The following GUCY2C variants were observed in gnomAD, a reference collection of about 807,000 sequenced individuals.
The protein encoded by GUCY2C is guanylate cyclase 2C.
In GUCY2C, 118 loss-of-function variants were observed where a neutral mutation model predicts 131.1. That is an observed-to-expected ratio of 0.90 (90% CI 0.78 to 1.05). GUCY2C has a LOEUF of 1.05. Ranked by LOEUF, GUCY2C falls within the 50% of genes least tolerant of loss-of-function variation. GUCY2C has a pLI of 0.00. For missense variants in GUCY2C, 1,161 were observed against 1,304.4 expected, an observed-to-expected ratio of 0.89 and a Z score of 1.69; for synonymous variants, 452 against 457.8, an observed-to-expected ratio of 0.99 and a Z score of 0.16.
chr12:14,693,773 A>G (rs952517857), intron 1 of GUCY2C, among the ~76,000 whole-genome samples: 1 of 152,252 alleles, frequency 6.6e-6, no homozygotes, highest in African/African-American at 2.4e-5. Flanking sequence ...ACTAATAACT[A>G]TTTTACAAAT....
intron 15 of GUCY2C, among the ~76,000 whole-genome samples, chr12:14,646,855 C>G (rs1947533388): frequency 6.6e-6 from 1 of 152,082 alleles, no homozygotes; most frequent in South Asian, 2.1e-4. Context: ...ATAGGGTGCA[C>G]AGTCTGGTGA....
intron 10 of GUCY2C, 134 bp downstream of exon 10, chr12:14,669,588 G>T: frequency 1.7e-6 from 1 of 588,642 alleles, no homozygotes. Flanking sequence ...TTACAAACTG[G>T]ACAGCAGGAA....
intron 11 of GUCY2C, among the ~76,000 whole-genome samples, chr12:14,660,551 T>C (rs1334077954): frequency 6.6e-6 from 1 of 152,208 alleles, no homozygotes; most frequent in Non-Finnish European, 1.5e-5. Flanking sequence ...AGTCTAAATA[T>C]GTAATTTAAT....
rs1418367135 is a variant in GUCY2C, at chr12:14,639,855, T to C, written c.2157+7A>G. 4.6e-6 allele frequency: 7 copies of C among 1,506,700 alleles called. No homozygotes were observed. The highest frequency in any genetic ancestry group is 1.4e-5 in the African/African-American group (1 of 73,000). 93.3% of individuals were successfully genotyped at this position (1,506,700 alleles called of 1,614,324 possible). A position where few individuals can be genotyped will look rare whatever the true frequency, so the allele number is the denominator to read the frequency against. On this transcript the variant is annotated splice_region_variant and intron_variant, in intron 19 of 26. Coordinates refer to ENST00000261170, the MANE Select transcript of GUCY2C (RefSeq NM_004963.4). The stretch of plus-strand genomic sequence containing the variant: ...CCAAGGAAATGAATACGGGAAGATA[T>C]ACTCACTTCTAGCTCTTTTTCCTCT...
intron 10 of GUCY2C, among the ~76,000 whole-genome samples, chr12:14,667,924 T>G (rs920086073): frequency 1.3e-5 from 2 of 151,956 alleles, no homozygotes; most frequent in African/African-American, 4.8e-5. Flanking sequence ...TTTTCCCATG[T>G]CATTTAACAT....
At chr12:14,679,863 A>C in intron 5 of GUCY2C, 110 bp from the exon 6 acceptor site, 1 of 625,670 alleles carries the variant, frequency 1.6e-6, no homozygotes, top group African/African-American at 1.9e-5. Context: ...AAATTTTTTA[A>C]AGATAAACTC....
At position 14,621,132 on chromosome 12, in the gene GUCY2C, T is replaced by C. The variant is rs760514762; in HGVS notation, c.2686A>G (p.Met896Val). The C allele has an allele frequency of 2.5e-6, 4 of 1,613,488 alleles. No homozygotes were observed. The highest frequency in any genetic ancestry group is 1.1e-5 in the South Asian group (1 of 91,082). The change falls in exon 23 of 27, where the codon ATG becomes GTG. Residue 896 changes from methionine to valine, a missense_variant. Met to Val is a conservative substitution (Grantham distance 21). Coordinates refer to ENST00000261170, the MANE Select transcript of GUCY2C (RefSeq NM_004963.4). ...ATGAAGCTGAGGATTTCCAAGGCCA[T>C]CTTGGCAATGTCTATTGCATGCCGA... ...GNRHAIDIAK[M>V]ALEILSFMGT... is the part of the protein sequence containing the mutation.
chr12:14,645,330 A>G lies in GUCY2C; in HGVS notation c.1711-15T>C, dbSNP rs752930934. 1.5e-6 allele frequency: 2 copies of G among 1,294,546 alleles called. No homozygotes were observed. Among genetic ancestry groups the G allele is most frequent in the South Asian group, 1.2e-5 (1 of 82,440 alleles). The allele number at this position is 1,294,546 out of a possible 1,614,324, so 80.2% of individuals were successfully genotyped here. A position where few individuals can be genotyped will look rare whatever the true frequency, so the allele number is the denominator to read the frequency against. On this transcript the variant is annotated splice_polypyrimidine_tract_variant and intron_variant, in intron 15 of 26. Coordinates refer to ENST00000261170, the MANE Select transcript of GUCY2C (RefSeq NM_004963.4). ...TTTAAAACTTCCTGAATAGGAAAAA[A>G]GAAGAAGAAGAAAAGTTGTTGCAAG...
At chr12:14,639,700 G>A (rs539118399) in intron 19 of GUCY2C, among the ~76,000 whole-genome samples, 162 bp downstream of exon 19, 7 of 152,314 alleles carry the variant, frequency 4.6e-5, no homozygotes, top group Middle Eastern at 3.4e-3. Context: ...GAATGGATTA[G>A]CCCCTTAGCT....
Position 14,651,977 on chromosome 12 carries a change from C to T in GUCY2C, c.1587G>A (p.Gln529=). The T allele has an allele frequency of 6.3e-7, 1 of 1,585,812 alleles. No homozygotes were observed. The highest frequency in any genetic ancestry group is 1.3e-5 in the African/African-American group (1 of 74,546). The part of the protein sequence containing the change: ...KHNDGNFTEK[Q]KIELNKLLQI... The stretch of plus-strand genomic sequence containing the variant: ...TACATACCTTGTTCAATTCTATCTT[C>T]TGTTTTTCAGTGAAATTACCATCAT... Residue 529 remains glutamine (Q), a synonymous_variant, in exon 14 of 27, where the codon CAG becomes CAA. Transcript: ENST00000261170.
chr12:14,643,313 T>A (rs1592103741), intron 17 of GUCY2C, among the ~76,000 whole-genome samples: 1 of 152,132 alleles, frequency 6.6e-6, no homozygotes, highest in African/African-American at 2.4e-5. Flanking sequence ...CTAGTTCTGC[T>A]CCCACAAGCC....
chr12:14,631,954 T>G (rs978408655), intron 19 of GUCY2C, among the ~76,000 whole-genome samples: 7 of 150,236 alleles, frequency 4.7e-5, no homozygotes, highest in African/African-American at 1.7e-4. Flanking sequence ...CTCATTGTGG[T>G]TTTGATTTGC....
In GUCY2C at chr12:14,651,995, AC is replaced by A; in HGVS notation, c.1568del (p.Gly523ValfsTer9). On this transcript the variant is annotated frameshift_variant, in exon 14 of 27. Coordinates refer to ENST00000261170, the MANE Select transcript of GUCY2C (RefSeq NM_004963.4). LOFTEE classifies it high-confidence loss of function. ...VILKDLKHND[G>X]NFTEKQKIEL... ...CTATCTTCTGTTTTTCAGTGAAATT[AC>A]CATCATTGTGCTTGAGATCTTTGAG... is the stretch of plus-strand genomic sequence containing the variant. 6.2e-7 allele frequency: 1 copy of A among 1,603,238 alleles called. No individual in the cohort carries two copies. Among genetic ancestry groups the A allele is most frequent in the Non-Finnish European group, 8.5e-7 (1 of 1,170,530 alleles).
chr12:14,618,407 G>T (rs769123872), intron 24 of GUCY2C, among the ~76,000 whole-genome samples: 2 of 152,128 alleles, frequency 1.3e-5, no homozygotes, highest in African/African-American at 2.4e-5. Context: ...CAGCTACTTA[G>T]GAGGCTGAGG....
At chr12:14,661,245 A>G (rs770461138) in intron 10 of GUCY2C, among the ~76,000 whole-genome samples, 183 bp from the exon 11 acceptor site, 6 of 152,150 alleles carry the variant, frequency 3.9e-5, no homozygotes, top group Non-Finnish European at 8.8e-5. Flanking sequence ...CTTGTCTGGC[A>G]TTGTACCCAG....
intron 19 of GUCY2C, among the ~76,000 whole-genome samples, chr12:14,638,699 G>A (rs913877944): frequency 2.0e-5 from 3 of 152,166 alleles, no homozygotes; most frequent in Non-Finnish European, 2.9e-5. Flanking sequence ...CCAGAGACTG[G>A]GAAGGGTGTA....
intron 10 of GUCY2C, chr12:14,665,911 T>C (rs940508878): frequency 3.3e-5 from 5 of 152,142 alleles, no homozygotes; most frequent in Non-Finnish European, 7.3e-5. Context: ...AGGTTCGTCA[T>C]CGCGTGACGA....
At chr12:14,636,624 T>C (rs1426780255) in intron 19 of GUCY2C, among the ~76,000 whole-genome samples, 1 of 152,166 alleles carries the variant, frequency 6.6e-6, no homozygotes, top group Non-Finnish European at 1.5e-5. Context: ...AACATAGTAC[T>C]GAAAGTACTA....
chr12:14,696,145 TC>T (rs1948650812), intron 1 of GUCY2C, 86 bp downstream of exon 1: 1 of 1,029,466 alleles, frequency 9.7e-7, no homozygotes, highest in South Asian at 1.4e-5. Context: ...AGTTGTGTGA[TC>T]AAAGAACACA....
Sources: allele counts gnomAD v4.1 joint callset (sites outside exome capture counted in the v4.1 genomes callset), GRCh38; gene constraint gnomAD v4.1.1; transcripts MANE v1.5; gene names NCBI Gene and HGNC (gene_info 2026-07-23, HGNC 2026-07-21).